The following SEMA3A variants were observed in gnomAD, a reference collection of about 807,000 sequenced individuals.
SEMA3A encodes semaphorin-3A.
Under a neutral mutation model 97.9 loss-of-function variants are expected in SEMA3A, and 29 were observed. That is an observed-to-expected ratio of 0.30 (90% CI 0.22 to 0.40). SEMA3A has a LOEUF of 0.40. Ranked by LOEUF, SEMA3A falls within the 10% of genes least tolerant of loss-of-function variation. The pLI is 1.00. For synonymous variants in SEMA3A, 321 were observed against 323.7 expected (o/e 0.99, Z 0.09); for missense variants, 763 against 951.3 (o/e 0.80, Z 2.60).
chr7:84,109,326 C>T (rs775849329), intron 4 of SEMA3A, among the ~76,000 whole-genome samples: 1 of 152,076 alleles, frequency 6.6e-6, no homozygotes. Context: ...TACATATGGA[C>T]TTATAAAAAA....
At chr7:83,985,784 G>GA (rs1397138073) in intron 12 of SEMA3A, among the ~76,000 whole-genome samples, 1 of 152,084 alleles carries the variant, frequency 6.6e-6, no homozygotes, top group Non-Finnish European at 1.5e-5. Context: ...GAGGGTGTTG[G>GA]AAAAAACATG....
intron 2 of SEMA3A, among the ~76,000 whole-genome samples, chr7:84,330,112 G>T (rs769486012): frequency 6.6e-6 from 1 of 151,920 alleles, no homozygotes; most frequent in Non-Finnish European, 1.5e-5. Flanking sequence ...ATAAAAGCAA[G>T]GCCAGTTATG....
intron 15 of SEMA3A, among the ~76,000 whole-genome samples, chr7:83,965,112 T>G (rs1043214321): frequency 7.1e-6 from 1 of 140,910 alleles, no homozygotes; most frequent in African/African-American, 2.7e-5. Flanking sequence ...TTTTTTTTTT[T>G]GTATTTTTAG....
rs536672785 is a variant in SEMA3A at position 84,416,499 on chromosome 7, C to T, written c.-245-44599G>A. Among the ~76,000 whole-genome samples the T allele has an allele frequency of 2.1e-3, 316 of 152,138 alleles. 6 individuals carry two copies. Among genetic ancestry groups the T allele is most frequent in the Non-Finnish European group, 4.4e-4 (30 of 68,002 alleles). On this transcript the variant is annotated intron_variant, in intron 1 of 3. Coordinates refer to the SEMA3A transcript ENST00000424555. ...ACTTGCTTGTACTGCACTCACTTACCAAAACATACAATGTCTTTTGGTATT... is the reference window on the plus strand; with the variant it reads ...ACTTGCTTGTACTGCACTCACTTACTAAAACATACAATGTCTTTTGGTATT...
chr7:84,110,348 G>C, intron 4 of SEMA3A, 122 bp downstream of exon 4: 1 of 1,042,304 alleles, frequency 9.6e-7, no homozygotes, highest in South Asian at 1.6e-5. Context: ...CAGCATCTGA[G>C]TTTGAAGTAG....
chr7:83,987,881 T>C (rs1444944828), intron 12 of SEMA3A, among the ~76,000 whole-genome samples: 1 of 152,220 alleles, frequency 6.6e-6, no homozygotes, highest in African/African-American at 2.4e-5. Context: ...TCTCATCCAA[T>C]GCCTTCCCTG....
At chr7:83,976,652 T>C (rs974053882) in intron 15 of SEMA3A, among the ~76,000 whole-genome samples, 7 of 151,906 alleles carry the variant, frequency 4.6e-5, no homozygotes, top group African/African-American at 1.7e-4. Flanking sequence ...TACTAGTAAT[T>C]CAGTGTAAAG....
chr7:84,220,879 C>G (rs1193166712), intron 3 of SEMA3A, among the ~76,000 whole-genome samples: 7 of 152,094 alleles, frequency 4.6e-5, no homozygotes, highest in African/African-American at 1.7e-4. Context: ...GGTAAGTGAA[C>G]ATGACCCTCA....
At chr7:83,989,957 C>G (rs1456766547) in intron 12 of SEMA3A, among the ~76,000 whole-genome samples, 1 of 151,860 alleles carries the variant, frequency 6.6e-6, no homozygotes. Flanking sequence ...ATTCCTATTT[C>G]TCCACATCCT....
At chr7:84,104,937 T>C (rs1008164121) in intron 4 of SEMA3A, among the ~76,000 whole-genome samples, 1 of 152,190 alleles carries the variant, frequency 6.6e-6, no homozygotes, top group African/African-American at 2.4e-5. Flanking sequence ...TATTGAAAGA[T>C]TAGGAAAGAA....
At chr7:84,246,105 T>C (rs1214797881) in intron 3 of SEMA3A, among the ~76,000 whole-genome samples, 3 of 152,296 alleles carry the variant, frequency 2.0e-5, no homozygotes, top group East Asian at 1.9e-4. Context: ...ATTTGCAGCA[T>C]TGCAGTGGGC....
chr7:84,008,217 C>T (rs1015663191), intron 9 of SEMA3A, among the ~76,000 whole-genome samples: 7 of 152,098 alleles, frequency 4.6e-5, no homozygotes, highest in Non-Finnish European at 7.4e-5. Context: ...TATGGCAGGG[C>T]GCGGTGGCTC....
intron 6 of SEMA3A, among the ~76,000 whole-genome samples, chr7:84,030,997 T>TG (rs1166265496): frequency 3.5e-5 from 5 of 142,926 alleles, no homozygotes; most frequent in African/African-American, 1.3e-4. Flanking sequence ...GTTTTTTTTT[T>TG]TTTTTTTTTT....
At chr7:84,298,971 C>T (rs1441446563) in intron 3 of SEMA3A, among the ~76,000 whole-genome samples, 2 of 152,090 alleles carry the variant, frequency 1.3e-5, no homozygotes, top group Non-Finnish European at 2.9e-5. Context: ...GCTTCCTGCA[C>T]TTGAACATCA....
At chr7:84,361,000 T>C (rs1369515365) in intron 2 of SEMA3A, among the ~76,000 whole-genome samples, 1 of 152,118 alleles carries the variant, frequency 6.6e-6, no homozygotes, top group Non-Finnish European at 1.5e-5. Context: ...TTTTAAAAAC[T>C]ATGTTATCAA....
chr7:84,283,448 C>T lies in SEMA3A; in HGVS notation c.-83+23759G>A, dbSNP rs571794120. Among the ~76,000 whole-genome samples the T allele has an allele frequency of 9.9e-4, 150 of 152,164 alleles. 2 individuals are homozygous for T. The highest frequency in any genetic ancestry group is 1.7e-3 in the Non-Finnish European group (114 of 68,000). On this transcript the variant is annotated intron_variant, in intron 3 of 3. Transcript: ENST00000424555. ...TTAGGCTTAAAATCCAAGAAAAACA[C>T]TCAAATTTATATTTGATTCTTTTCC...
chr7:84,307,805 G>A (rs1405556217), intron 2 of SEMA3A, among the ~76,000 whole-genome samples: 2 of 151,886 alleles, frequency 1.3e-5, no homozygotes, highest in Non-Finnish European at 1.5e-5. Flanking sequence ...AATATTTAAA[G>A]TAAATAGAAA....
intron 12 of SEMA3A, among the ~76,000 whole-genome samples, chr7:83,991,390 C>A (rs1343991942): frequency 1.1e-4 from 16 of 151,540 alleles, no homozygotes; most frequent in South Asian, 4.2e-4. Flanking sequence ...GCATCCCTGT[C>A]TTGTGCCAGT....
intron 2 of SEMA3A, among the ~76,000 whole-genome samples, chr7:84,330,322 A>C (rs1801881357): frequency 6.6e-6 from 1 of 152,106 alleles, no homozygotes; most frequent in Non-Finnish European, 1.5e-5. Flanking sequence ...TATCTCAAAA[A>C]TAAAGTATGG....
Sources: gnomAD v4.1 joint callset for allele counts (sites outside exome capture counted in the v4.1 genomes callset) on GRCh38, gnomAD v4.1.1 for gene constraint, MANE v1.5 for transcripts, NCBI Gene and HGNC (gene_info 2026-07-23, HGNC 2026-07-21) for gene names.